Variants in A1CF observed in about 807,000 individuals in gnomAD.
The protein encoded by A1CF is APOBEC-1 stimulating protein.
In A1CF, 48 loss-of-function variants were observed where a neutral mutation model predicts 68.9. The ratio of observed to expected loss-of-function variants is 0.70; its 90% CI spans 0.55 to 0.89. The LOEUF is 0.89. Ranked by LOEUF, A1CF falls within the 40% of genes least tolerant of loss-of-function variation. The probability of loss-of-function intolerance (pLI) is 0.00; values close to 1 mark genes in which losing one functional copy is unlikely to be tolerated. For synonymous variants in A1CF, 272 were observed against 260.4 expected, an observed-to-expected ratio of 1.04 and a Z score of -0.43; for missense variants, 653 against 718.9, an observed-to-expected ratio of 0.91 and a Z score of 1.05.
rs552706842 is a variant in A1CF, at chr10:50,837,205, C to T, written c.366-893G>A. On this transcript the variant is annotated intron_variant, in intron 5 of 12. Transcript: ENST00000373997. Reference sequence around the variant, plus strand: ...GAAGTTATTTCCATTTACAGATGAACTTGAAACTCCAAGAAATAAAAAGAC... The same window carrying T: ...GAAGTTATTTCCATTTACAGATGAATTTGAAACTCCAAGAAATAAAAAGAC... Among the ~76,000 whole-genome samples, 167 of 152,262 alleles carry T rather than the reference C, an allele frequency of 1.1e-3. 1 individual carries two copies. Among genetic ancestry groups the T allele is most frequent in the African/African-American group, 3.9e-3 (161 of 41,546 alleles).
At chr10:50,877,916 A>G (rs923603976) in intron 1 of A1CF, among the ~76,000 whole-genome samples, 7 of 152,140 alleles carry the variant, frequency 4.6e-5, no homozygotes, top group Non-Finnish European at 8.8e-5. Context: ...AGGTCAGGAG[A>G]TCGAGACCAT....
At position 50,803,545 on chromosome 10, in the gene A1CF, TG is replaced by T. The variant is rs1837698799; in HGVS notation, c.*3183del. ...TAGGAGAATTATATTTTGTTGCAGT[TG>T]AAGGTGCTGTTCTAGATATACTAAT... On this transcript the variant is annotated 3_prime_UTR_variant, in exon 13 of 13. Transcript: ENST00000373997. The T allele has an allele frequency of 6.6e-6, 1 of 152,218 alleles. No homozygotes were observed. The highest frequency in any genetic ancestry group is 1.5e-5 in the Non-Finnish European group (1 of 68,040). 9.4% of individuals were successfully genotyped at this position (152,218 alleles called of 1,614,324 possible). A position where few individuals can be genotyped will look rare whatever the true frequency, so the allele number is the denominator to read the frequency against.
chr10:50,884,170 T>C (rs189739575), intron 1 of A1CF, among the ~76,000 whole-genome samples: 6 of 152,336 alleles, frequency 3.9e-5, no homozygotes, highest in African/African-American at 1.2e-4. Context: ...GTAGGAAATG[T>C]TGATATTTGA....
At chr10:50,880,333 C>T (rs548290707) in intron 1 of A1CF, among the ~76,000 whole-genome samples, 3 of 152,210 alleles carry the variant, frequency 2.0e-5, no homozygotes, top group Non-Finnish European at 4.4e-5. Flanking sequence ...GGAAAAATGG[C>T]GTAGCAATAG....
chr10:50,823,333 C>T (rs567221079), intron 7 of A1CF, among the ~76,000 whole-genome samples: 6 of 152,136 alleles, frequency 3.9e-5, no homozygotes, highest in African/African-American at 1.4e-4. Flanking sequence ...CCTCATTTGG[C>T]AGAGGGTGAG....
chr10:50,864,889 A>C (rs1840914206), intron 1 of A1CF, among the ~76,000 whole-genome samples: 1 of 152,080 alleles, frequency 6.6e-6, no homozygotes, highest in Non-Finnish European at 1.5e-5. Context: ...AAGTGCTGGG[A>C]TTACAGGAGT....
At chr10:50,845,997 G>T (rs1589013118) in intron 3 of A1CF, among the ~76,000 whole-genome samples, 1 of 150,026 alleles carries the variant, frequency 6.7e-6, no homozygotes, top group Non-Finnish European at 1.5e-5. Flanking sequence ...AATGTATCAT[G>T]CCATTAAATA....
intron 5 of A1CF, among the ~76,000 whole-genome samples, chr10:50,837,635 G>A (rs753238426): frequency 1.3e-5 from 2 of 152,118 alleles, no homozygotes. Flanking sequence ...ACTGTAGTAC[G>A]TTTACCATCT....
At chr10:50,842,811 G>T (rs957856126) in intron 4 of A1CF, among the ~76,000 whole-genome samples, 4 of 152,150 alleles carry the variant, frequency 2.6e-5, no homozygotes, top group Admixed American at 6.6e-5. Flanking sequence ...TGTTTCAGGG[G>T]ATGATCTGGG....
At chr10:50,807,339 A>G (rs1354291027) in intron 12 of A1CF, among the ~76,000 whole-genome samples, 1 of 152,210 alleles carries the variant, frequency 6.6e-6, no homozygotes, top group Admixed American at 6.5e-5. Context: ...CCTAAATGAA[A>G]CATTTAAAAC....
At chr10:50,836,373 T>C in intron 5 of A1CF, 61 bp from the exon 6 acceptor site, 1 of 1,540,934 alleles carries the variant, frequency 6.5e-7, no homozygotes, top group Non-Finnish European at 8.8e-7. Context: ...GTTGAAAATG[T>C]ATGGCTGTGG....
At chr10:50,860,777 T>A (rs1230876482) in intron 2 of A1CF, among the ~76,000 whole-genome samples, 1 of 152,236 alleles carries the variant, frequency 6.6e-6, no homozygotes, top group African/African-American at 2.4e-5. Flanking sequence ...CCAAATATGA[T>A]GGTTGCTCAC....
In A1CF at chr10:50,883,713, C is replaced by T. The variant is rs990924007; in HGVS notation, c.-94+1868G>A. Among the ~76,000 whole-genome samples the T allele has an allele frequency of 3.9e-5, 6 of 152,142 alleles. No individual in the cohort carries two copies. The South Asian group carries it at 6.2e-4, about 16-fold the overall frequency. ...TGTAAATTAAGCCCAGGAAACAAAACGTTGCCTACTCTCTTAGATAGTTGT... is the reference window on the plus strand; with the variant it reads ...TGTAAATTAAGCCCAGGAAACAAAATGTTGCCTACTCTCTTAGATAGTTGT... On this transcript the variant is annotated intron_variant, in intron 1 of 12. Coordinates refer to ENST00000373997, the MANE Select transcript of A1CF (RefSeq NM_014576.4).
At chr10:50,839,079 A>G (rs1839654027) in intron 5 of A1CF, among the ~76,000 whole-genome samples, 1 of 152,176 alleles carries the variant, frequency 6.6e-6, no homozygotes, top group Non-Finnish European at 1.5e-5. Context: ...ACACCTCATG[A>G]GGTAGGTATA....
intron 1 of A1CF, among the ~76,000 whole-genome samples, chr10:50,879,415 A>G (rs757967259): frequency 2.0e-5 from 3 of 152,106 alleles, no homozygotes; most frequent in Non-Finnish European, 4.4e-5. Flanking sequence ...TCCTGTCACT[A>G]TGTTCATGGT....
At position 50,802,754 on chromosome 10, in the gene A1CF, A is replaced by C. The variant is rs1046209099; in HGVS notation, c.*3975T>G. On this transcript the variant is annotated 3_prime_UTR_variant, in exon 13 of 13. Transcript: ENST00000373997. ...TAGAATGCAATGAAAATTTACCCCG[A>C]ATATTAACTTGATTGCCCTTTATTC... 4 of 152,188 alleles carry C rather than the reference A, an allele frequency of 2.6e-5. No homozygotes were observed. The highest frequency in any genetic ancestry group is 9.7e-5 in the African/African-American group (4 of 41,446). 9.4% of individuals were successfully genotyped at this position (152,188 alleles called of 1,614,324 possible).
At chr10:50,881,201 C>T (rs987683575) in intron 1 of A1CF, among the ~76,000 whole-genome samples, 1 of 152,262 alleles carries the variant, frequency 6.6e-6, no homozygotes, top group Admixed American at 6.5e-5. Flanking sequence ...GTTAGCCAGA[C>T]TGGTCTTGAA....
chr10:50,848,672 G>A (rs1480103547), intron 3 of A1CF, among the ~76,000 whole-genome samples: 2 of 151,894 alleles, frequency 1.3e-5, no homozygotes, highest in Non-Finnish European at 2.9e-5. Context: ...TTGATTCTTT[G>A]TTTCTTTTTC....
intron 1 of A1CF, among the ~76,000 whole-genome samples, chr10:50,880,807 A>T (rs886599230): frequency 6.6e-5 from 10 of 152,220 alleles, no homozygotes; most frequent in Non-Finnish European, 1.3e-4. Flanking sequence ...GTCCCCTGCC[A>T]GGCAGGTAGG....
Sources: gnomAD v4.1 joint callset for allele counts (sites outside exome capture counted in the v4.1 genomes callset) on GRCh38, gnomAD v4.1.1 for gene constraint, MANE v1.5 for transcripts, NCBI Gene and HGNC (gene_info 2026-07-23, HGNC 2026-07-21) for gene names.